The following PRKCA variants were observed in gnomAD, a reference collection of about 807,000 sequenced individuals.
PRKCA encodes the protein protein kinase C alpha, also known as protein kinase C alpha type.
Under a neutral mutation model 87.0 loss-of-function variants are expected in PRKCA, and 27 were observed. The ratio of observed to expected loss-of-function variants is 0.31; its 90% CI spans 0.23 to 0.43. The LOEUF is 0.43. Ranked by LOEUF, PRKCA falls within the 20% of genes least tolerant of loss-of-function variation. The pLI is 1.00. For missense variants in PRKCA, 518 were observed against 852.3 expected (o/e 0.61, Z 4.88); for synonymous variants, 329 against 311.1 (o/e 1.06, Z -0.61).
At chr17:66,387,942 A>G (rs7217881) in intron 2 of PRKCA, among the ~76,000 whole-genome samples, 120,552 of 152,208 alleles carry the variant, frequency 0.79, 48,241 homozygotes, top group South Asian at 0.87. Flanking sequence ...CCCCGGGTCC[A>G]TTCCCAACTG....
At chr17:66,746,096 C>T (rs1244478476) in intron 13 of PRKCA, among the ~76,000 whole-genome samples, 1 of 151,002 alleles carries the variant, frequency 6.6e-6, no homozygotes, top group Non-Finnish European at 1.5e-5. Flanking sequence ...TTGAAAACAT[C>T]AGGCACCACT....
intron 16 of PRKCA, among the ~76,000 whole-genome samples, chr17:66,789,868 G>C (rs918649132): frequency 2.0e-5 from 3 of 152,202 alleles, no homozygotes; most frequent in Non-Finnish European, 4.4e-5. Flanking sequence ...GGTAAACTGA[G>C]AGCCTTTAAG....
chr17:66,448,857 GC>G (rs1442237472), intron 2 of PRKCA, among the ~76,000 whole-genome samples: 11 of 105,416 alleles, frequency 1.0e-4, no homozygotes, highest in African/African-American at 3.9e-4. Flanking sequence ...TGAGATTCTG[GC>G]AAAAAAAAAA....
At chr17:66,442,883 A>G (rs940275909) in intron 2 of PRKCA, among the ~76,000 whole-genome samples, 7 of 152,114 alleles carry the variant, frequency 4.6e-5, no homozygotes, top group African/African-American at 1.4e-4. Context: ...GTTATGAGCA[A>G]TTCCTGGATC....
chr17:66,523,313 A>T (rs16959510), intron 3 of PRKCA, among the ~76,000 whole-genome samples: 38,664 of 152,062 alleles, frequency 0.25, 6,087 homozygotes, highest in African/African-American at 0.43. Flanking sequence ...CATTCTTAGG[A>T]AAAACTGGGA....
intron 2 of PRKCA, among the ~76,000 whole-genome samples, chr17:66,332,429 T>G (rs1321975741): frequency 1.3e-5 from 2 of 151,952 alleles, no homozygotes; most frequent in Non-Finnish European, 2.9e-5. Context: ...GGTTTCCCCA[T>G]GTTGGCCAGG....
chr17:66,573,574 A>ATCT (rs1969140314), intron 3 of PRKCA, among the ~76,000 whole-genome samples: 1 of 152,240 alleles, frequency 6.6e-6, no homozygotes, highest in Non-Finnish European at 1.5e-5. Flanking sequence ...AAGTTCTAAG[A>ATCT]GTATCAAAAA....
chr17:66,591,052 C>A (rs567155680), intron 3 of PRKCA, among the ~76,000 whole-genome samples: 7 of 152,282 alleles, frequency 4.6e-5, no homozygotes, highest in Non-Finnish European at 2.9e-5. Flanking sequence ...AGTGACTCAA[C>A]CCCCTGTACC....
chr17:66,424,340 G>A (rs1225754665), intron 2 of PRKCA, among the ~76,000 whole-genome samples: 3 of 152,068 alleles, frequency 2.0e-5, no homozygotes, highest in African/African-American at 7.2e-5. Context: ...TTGGGAGGCC[G>A]AGGCTGGTGG....
chr17:66,418,373 C>A (rs924579129), intron 2 of PRKCA, among the ~76,000 whole-genome samples: 2 of 151,822 alleles, frequency 1.3e-5, no homozygotes, highest in Non-Finnish European at 2.9e-5. Context: ...AACAGTAAAA[C>A]CAAGATTTAA....
intron 11 of PRKCA, among the ~76,000 whole-genome samples, 166 bp from the exon 12 acceptor site, chr17:66,741,493 C>T (rs193138331): frequency 3.3e-5 from 5 of 152,232 alleles, no homozygotes; most frequent in South Asian, 2.1e-4. Context: ...AGCTGGAGGA[C>T]GAAGTGATGG....
chr17:66,680,391 A>G (rs1972457349), intron 5 of PRKCA, among the ~76,000 whole-genome samples: 1 of 152,146 alleles, frequency 6.6e-6, no homozygotes, highest in Non-Finnish European at 1.5e-5. Flanking sequence ...TTTTGCAGTA[A>G]TTCTGTTTTG....
intron 9 of PRKCA, among the ~76,000 whole-genome samples, chr17:66,734,336 A>G (rs1450019534): frequency 6.6e-6 from 1 of 152,214 alleles, no homozygotes; most frequent in African/African-American, 2.4e-5. Context: ...TCTTGATCGT[A>G]TGCTAAACAA....
chr17:66,778,957 C>T (rs893209608), intron 14 of PRKCA, among the ~76,000 whole-genome samples: 5 of 151,996 alleles, frequency 3.3e-5, no homozygotes, highest in African/African-American at 1.2e-4. Context: ...CCGCCTCAAA[C>T]ACAGTGTTTT....
rs759241501 is a variant in PRKCA, at chr17:66,791,810, C to T, written c.1854+2831C>T. On this transcript the variant is annotated intron_variant, in intron 16 of 16. Coordinates refer to ENST00000413366, the MANE Select transcript of PRKCA (RefSeq NM_002737.3). ...GCTGCACAATACGCTCTGGTTAATACAAACAGCAGGAGAGAACTAGCGGCG... is the reference window on the plus strand; with the variant it reads ...GCTGCACAATACGCTCTGGTTAATATAAACAGCAGGAGAGAACTAGCGGCG... 1.8e-4 allele frequency among the ~76,000 whole-genome samples: 28 copies of T among 152,222 alleles called. 1 individual carries two copies. Among genetic ancestry groups the T allele is most frequent in the Non-Finnish European group, 5.9e-5 (4 of 68,030 alleles).
chr17:66,374,298 A>G (rs1265382324), intron 2 of PRKCA, among the ~76,000 whole-genome samples: 1 of 152,020 alleles, frequency 6.6e-6, no homozygotes, highest in Non-Finnish European at 1.5e-5. Context: ...TCTGTGTGCT[A>G]AGTGGCACGG....
chr17:66,767,963 G>A (rs1188032798), intron 13 of PRKCA, among the ~76,000 whole-genome samples: 1 of 152,100 alleles, frequency 6.6e-6, no homozygotes, highest in African/African-American at 2.4e-5. Context: ...GACTTGTTTT[G>A]TTTTGTTTTG....
At chr17:66,796,909 A>G in intron 16 of PRKCA, 7 of 985,336 alleles carry the variant, frequency 7.1e-6, no homozygotes, top group Non-Finnish European at 8.4e-6. Flanking sequence ...CCACCTCGTT[A>G]GGTTTCCTTT....
chr17:66,409,867 G>A (rs1467452063), intron 2 of PRKCA, among the ~76,000 whole-genome samples: 12 of 152,220 alleles, frequency 7.9e-5, no homozygotes, highest in Admixed American at 7.9e-4. Flanking sequence ...GCAGTGAGCC[G>A]AGATCACGCC....
Sources: gnomAD v4.1 joint callset for allele counts (sites outside exome capture counted in the v4.1 genomes callset) on GRCh38, gnomAD v4.1.1 for gene constraint, MANE v1.5 for transcripts, NCBI Gene and HGNC (gene_info 2026-07-23, HGNC 2026-07-21) for gene names.